Variants in HS3ST3B1 observed in about 807,000 individuals in gnomAD.
The protein encoded by HS3ST3B1 is heparan sulfate-glucosamine 3-sulfotransferase 3B1.
Under a neutral mutation model 21.3 loss-of-function variants are expected in HS3ST3B1, and 13 were observed. The ratio of observed to expected loss-of-function variants is 0.61; its 90% CI spans 0.40 to 0.97. The LOEUF (loss-of-function observed/expected upper bound fraction) is 0.97. Ranked by LOEUF, HS3ST3B1 falls within the 50% of genes least tolerant of loss-of-function variation. The pLI, the probability that HS3ST3B1 is intolerant of heterozygous loss-of-function variation, is 0.00. For synonymous variants in HS3ST3B1, 234 were observed against 254.8 expected, an observed-to-expected ratio of 0.92 and a Z score of 0.78; for missense variants, 459 against 554.8, an observed-to-expected ratio of 0.83 and a Z score of 1.73.
At chr17:14,339,365 C>T (rs2142351692) in intron 1 of HS3ST3B1, among the ~76,000 whole-genome samples, 1 of 152,196 alleles carries the variant, frequency 6.6e-6, no homozygotes, top group South Asian at 2.1e-4. Context: ...ACCTATTAGG[C>T]TACTAATGTA....
At chr17:14,325,412 A>G (rs1909778335) in intron 1 of HS3ST3B1, among the ~76,000 whole-genome samples, 1 of 152,254 alleles carries the variant, frequency 6.6e-6, no homozygotes, top group African/African-American at 2.4e-5. Context: ...ACTTTAATTA[A>G]CAAATAGATG....
intron 1 of HS3ST3B1, among the ~76,000 whole-genome samples, chr17:14,331,920 ATCT>A (rs927552818): frequency 1.3e-5 from 2 of 152,122 alleles, no homozygotes; most frequent in African/African-American, 4.8e-5. Flanking sequence ...GCTGATACAC[ATCT>A]TCTGCCCAGC....
At position 14,303,100 on chromosome 17, in the gene HS3ST3B1, G is replaced by C. The variant is rs1908998204; in HGVS notation, c.554+1028G>C. ...TTGGGTTGCCCGAGCTTCGGGTAAG[G>C]CGCGAGTGGGCAGGAGGTCTAGATT... On this transcript the variant is annotated intron_variant, in intron 1 of 1. Coordinates refer to ENST00000360954, the MANE Select transcript of HS3ST3B1 (RefSeq NM_006041.3). This position sits in a 1 kb window ranked among gnomAD's most constrained non-coding sequence, Gnocchi z 5.7. Among the ~76,000 whole-genome samples, 1 of 152,120 alleles carries C rather than the reference G, an allele frequency of 6.6e-6. No individual in the cohort carries two copies. The highest frequency in any genetic ancestry group is 2.1e-4 in the South Asian group (1 of 4,830).
intron 1 of HS3ST3B1, among the ~76,000 whole-genome samples, chr17:14,343,967 A>C (rs1597604904): frequency 6.6e-6 from 1 of 151,236 alleles, no homozygotes; most frequent in Admixed American, 6.6e-5. Context: ...CACCATCTCA[A>C]CTCACTGCAA....
chr17:14,302,340 C>T (rs1597583287), intron 1 of HS3ST3B1, among the ~76,000 whole-genome samples: 2 of 152,214 alleles, frequency 1.3e-5, no homozygotes, highest in South Asian at 2.1e-4. Flanking sequence ...AGAAGAAGGG[C>T]AGCGACTGAG....
chr17:14,301,401 G>C lies in HS3ST3B1; in HGVS notation c.-118G>C. ...CAGCGGCGGCCGCGGGCACACGGGG[G>C]CAATAAACCGAGCCACCCGGGCGTC... On this transcript the variant is annotated 5_prime_UTR_variant, in exon 1 of 2. Transcript: ENST00000360954. The C allele has an allele frequency of 1.1e-6, 1 of 909,040 alleles. No individual in the cohort carries two copies. The highest frequency in any genetic ancestry group is 1.5e-6 in the Non-Finnish European group (1 of 661,350). 56.3% of individuals were successfully genotyped at this position (909,040 alleles called of 1,614,324 possible). A position where few individuals can be genotyped will look rare whatever the true frequency, so the allele number is the denominator to read the frequency against.
intron 1 of HS3ST3B1, among the ~76,000 whole-genome samples, chr17:14,344,790 C>T (rs1910499447): frequency 6.6e-6 from 1 of 152,194 alleles, no homozygotes; most frequent in African/African-American, 2.4e-5. Flanking sequence ...AAACAGATAG[C>T]TTGCCCTTTC....
At chr17:14,330,429 C>A (rs1472179883) in intron 1 of HS3ST3B1, among the ~76,000 whole-genome samples, 1 of 152,012 alleles carries the variant, frequency 6.6e-6, no homozygotes, top group East Asian at 1.9e-4. Flanking sequence ...TGTCCAAGTA[C>A]CTGTTGTCTG....
At chr17:14,322,230 C>T (rs756822780) in intron 1 of HS3ST3B1, among the ~76,000 whole-genome samples, 1 of 152,104 alleles carries the variant, frequency 6.6e-6, no homozygotes, top group Non-Finnish European at 1.5e-5. Context: ...GAGCATGAGA[C>T]TCAGAGTTTC....
intron 1 of HS3ST3B1, among the ~76,000 whole-genome samples, chr17:14,343,109 G>A (rs771067893): frequency 6.6e-6 from 1 of 152,076 alleles, no homozygotes; most frequent in African/African-American, 2.4e-5. Context: ...AGGTGTGGTG[G>A]TGGGCGCCTG....
At position 14,346,590 on chromosome 17, in the gene HS3ST3B1, T is replaced by G. The variant is rs1352580022; in HGVS notation, c.*944T>G. ...AGTCAGAATGGTAGGGTCTGTTGAC[T>G]TCAGCTTTTGATTTTGCAGGATGGC... On this transcript the variant is annotated 3_prime_UTR_variant, in exon 2 of 2. Transcript: ENST00000360954. 2.0e-5 allele frequency: 3 copies of G among 152,360 alleles called. No individual in the cohort carries two copies. Among genetic ancestry groups the G allele is most frequent in the African/African-American group, 7.2e-5 (3 of 41,446 alleles). The allele number at this position is 152,360 out of a possible 1,614,324, so 9.4% of individuals were successfully genotyped here. A position where few individuals can be genotyped will look rare whatever the true frequency, so the allele number is the denominator to read the frequency against.
intron 1 of HS3ST3B1, among the ~76,000 whole-genome samples, chr17:14,308,986 A>C (rs926172636): frequency 4.6e-5 from 7 of 152,216 alleles, no homozygotes; most frequent in African/African-American, 1.7e-4. Context: ...AGCAGTGAGA[A>C]TCCCACTCTT....
Position 14,337,836 on chromosome 17 carries a change from C to A in HS3ST3B1, c.555-7192C>A, listed in dbSNP as rs1045858018. On this transcript the variant is annotated intron_variant, in intron 1 of 1. Coordinates refer to ENST00000360954, the MANE Select transcript of HS3ST3B1 (RefSeq NM_006041.3). The stretch of plus-strand genomic sequence containing the variant: ...CAATGTTGTCTTCTCATTTTTTCCC[C>A]CCACGAAGGTGGACCTCTATACCCA... 2.9e-4 allele frequency among the ~76,000 whole-genome samples: 44 copies of A among 151,566 alleles called. 3 individuals are homozygous for A. The highest frequency in any genetic ancestry group is 9.8e-4 in the African/African-American group (40 of 40,962).
chr17:14,301,584 G>GCCGCCGCCC lies in HS3ST3B1; in HGVS notation c.75_83dup (p.Pro26_Pro28dup), dbSNP rs762463352. 6 of 1,599,616 alleles carry GCCGCCGCCC rather than the reference G, an allele frequency of 3.8e-6. No individual in the cohort carries two copies. The highest frequency in any genetic ancestry group is 2.2e-5 in the South Asian group (2 of 90,460). ...TCCCCGGCCGGCTCCTACCGCAGCC[G>GCCGCCGCCC]CCGCCGCCCCCGCCGCCGGTGAGGA... On this transcript the variant is annotated inframe_insertion, in exon 1 of 2. Coordinates refer to ENST00000360954, the MANE Select transcript of HS3ST3B1 (RefSeq NM_006041.3).
At position 14,303,134 on chromosome 17, in the gene HS3ST3B1, C is replaced by T. The variant is rs1334454167; in HGVS notation, c.554+1062C>T. On this transcript the variant is annotated intron_variant, in intron 1 of 1. Transcript: ENST00000360954. This position sits in a 1 kb window ranked among gnomAD's most constrained non-coding sequence, Gnocchi z 5.7. Reference sequence around the variant, plus strand: ...GGCAGGAGGTCTAGATTTCGGCCTCCGATAACTGTCTTCGACTAGGGGCCC... The same window carrying T: ...GGCAGGAGGTCTAGATTTCGGCCTCTGATAACTGTCTTCGACTAGGGGCCC... 1.3e-5 allele frequency among the ~76,000 whole-genome samples: 2 copies of T among 152,042 alleles called. No homozygotes were observed. The highest frequency in any genetic ancestry group is 2.9e-5 in the Non-Finnish European group (2 of 68,020).
intron 1 of HS3ST3B1, among the ~76,000 whole-genome samples, chr17:14,307,392 A>G (rs1380947627): frequency 6.7e-6 from 1 of 149,686 alleles, no homozygotes; most frequent in Non-Finnish European, 1.5e-5. Flanking sequence ...CTGTGTTTCT[A>G]GTTTGATGTT....
At chr17:14,306,296 G>A (rs1192934542) in intron 1 of HS3ST3B1, among the ~76,000 whole-genome samples, 1 of 152,158 alleles carries the variant, frequency 6.6e-6, no homozygotes, top group Non-Finnish European at 1.5e-5. Context: ...CACTGACATG[G>A]CAAAAAATCC....
intron 1 of HS3ST3B1, among the ~76,000 whole-genome samples, chr17:14,330,272 C>T (rs1480218804): frequency 6.6e-6 from 1 of 152,148 alleles, no homozygotes; most frequent in Non-Finnish European, 1.5e-5. Flanking sequence ...GCTTGTGCCA[C>T]CCTACTGCTG....
At chr17:14,343,409 A>C (rs987962610) in intron 1 of HS3ST3B1, among the ~76,000 whole-genome samples, 12 of 152,210 alleles carry the variant, frequency 7.9e-5, no homozygotes, top group African/African-American at 2.7e-4. Context: ...CTGTGCAGTG[A>C]AATAGATCCC....
Sources: allele counts gnomAD v4.1 joint callset (sites outside exome capture counted in the v4.1 genomes callset), GRCh38; gene constraint gnomAD v4.1.1; non-coding constraint Gnocchi (gnomAD v3.1); transcripts MANE v1.5; gene names NCBI Gene and HGNC (gene_info 2026-07-23, HGNC 2026-07-21).